The following NACA variants were observed in gnomAD, a reference collection of about 807,000 sequenced individuals.
NACA encodes nascent polypeptide-associated complex subunit alpha.
NACA carries 42 observed loss-of-function variants against 86.4 expected under a neutral mutation model. The ratio of observed to expected loss-of-function variants is 0.49; its 90% CI spans 0.38 to 0.63. NACA has a LOEUF of 0.63. Ranked by LOEUF, NACA falls within the 20% of genes least tolerant of loss-of-function variation. The pLI is 0.00. For synonymous variants in NACA, 898 were observed against 973.7 expected (o/e 0.92, Z 1.45); for missense variants, 2,157 against 2,483.6 (o/e 0.87, Z 2.80).
Position 56,717,297 on chromosome 12 carries a change from GGA to G in NACA, c.4231_4232del (p.Ser1411ProfsTer125), listed in dbSNP as rs1565894540. Reference sequence around the variant, plus strand: ...CTGGAGTTGCTGGAGCCTTTTTGGGGGAGAGAGGAATCACTGCTGGGGAAGTG... The same window carrying G: ...CTGGAGTTGCTGGAGCCTTTTTGGGGGAGAGGAATCACTGCTGGGGAAGTG... ...DPTSPAVIPL[S>X]PKKAPATPVT... is the part of the protein sequence containing the mutation. On this transcript the variant is annotated frameshift_variant, in exon 3 of 9. Transcript: ENST00000454682. LOFTEE classifies it high-confidence loss of function. 1 of 1,343,910 alleles carries G rather than the reference GGA, an allele frequency of 7.4e-7. No homozygotes were observed. Among genetic ancestry groups the G allele is most frequent in the Non-Finnish European group, 9.7e-7 (1 of 1,025,764 alleles). The allele number at this position is 1,343,910 out of a possible 1,614,324, so 83.2% of individuals were successfully genotyped here. A position where few individuals can be genotyped will look rare whatever the true frequency, so the allele number is the denominator to read the frequency against.
rs2926747 is a variant in NACA, at chr12:56,716,147, A to T, written c.5383T>A (p.Ser1795Thr). ...PESASVSAAP[S>T]PPVSLPLAPS... ...GCAAGAGGCAGAGAGACTGGTGGGG[A>T]GGGTGCTGCAGAGACAGATGCTGAT... Residue 1795 changes from serine to threonine, a missense_variant, in exon 3 of 9, where the codon TCC (serine) becomes ACC (threonine). Physicochemically the swap from Ser to Thr is moderately conservative, Grantham distance 58. Transcript: ENST00000454682. 0.64 allele frequency: 1,035,147 copies of T among 1,612,748 alleles called. 334,509 individuals are homozygous for T. The highest frequency in any genetic ancestry group is 0.74 in the South Asian group (67,212 of 91,058).
Position 56,715,881 on chromosome 12 carries a change from C to G in NACA, c.5649G>C (p.Lys1883Asn). 1 of 1,515,550 alleles carries G rather than the reference C, an allele frequency of 6.6e-7. No individual in the cohort carries two copies. Among genetic ancestry groups the G allele is most frequent in the Non-Finnish European group, 8.8e-7 (1 of 1,132,566 alleles). The allele number at this position is 1,515,550 out of a possible 1,614,324, so 93.9% of individuals were successfully genotyped here. Residue 1883 changes from lysine to asparagine, a missense_variant, in exon 3 of 9, where the codon AAG (lysine) becomes AAC (asparagine). Lys to Asn is a moderately conservative substitution (Grantham distance 94). This residue lies in a region of NACA where 797 missense variants were observed against 777.6 expected (regional missense o/e 1.02). Coordinates refer to ENST00000454682, the MANE Select transcript of NACA (RefSeq NM_001365896.1). ...PTPSAKQPVT[K>N]NNKGSGTESD... Reference sequence around the variant, plus strand: ...AACCAAGGCAAATACCCTTGTTGTTCTTCGTAACAGGTTGCTTGGCAGAGG... The same window carrying G: ...AACCAAGGCAAATACCCTTGTTGTTGTTCGTAACAGGTTGCTTGGCAGAGG...
In NACA at chr12:56,718,064, G is replaced by C. The variant is rs766558846; in HGVS notation, c.3466C>G (p.Pro1156Ala). Residue 1156 changes from proline to alanine, a missense_variant, in exon 3 of 9, where the codon CCT (proline) becomes GCT (alanine). Coordinates refer to ENST00000454682, the MANE Select transcript of NACA (RefSeq NM_001365896.1). The stretch of plus-strand genomic sequence containing the variant: ...GCTAGACCTCCTTTTGGGGAAGGAG[G>C]AGTTGCAGCTGGGGTTGTGGGGGCC... ...KGAPTTPAAT[P>A]PSPKGGLATP... 9.4e-7 allele frequency: 1 copy of C among 1,068,076 alleles called. No individual in the cohort carries two copies. The highest frequency in any genetic ancestry group is 1.1e-6 in the Non-Finnish European group (1 of 879,554). The allele number at this position is 1,068,076 out of a possible 1,614,324, so 66.2% of individuals were successfully genotyped here.
rs781172702 is a variant in NACA, at chr12:56,716,537, C to CA, written c.4992dup (p.Val1665CysfsTer6). On this transcript the variant is annotated frameshift_variant, in exon 3 of 9. Coordinates refer to ENST00000454682, the MANE Select transcript of NACA (RefSeq NM_001365896.1). LOFTEE classifies it high-confidence loss of function. ...GGAAGCCCTTTAGATGCTTGAGGAA[C>CA]AGTGGCCCCCATTTTACATGTGACA... 4 of 1,474,698 alleles carry CA rather than the reference C, an allele frequency of 2.7e-6. No homozygotes were observed. The South Asian group carries it at 4.5e-5, about 17-fold the overall frequency. The allele number at this position is 1,474,698 out of a possible 1,614,324, so 91.4% of individuals were successfully genotyped here.
chr12:56,720,754 T>C lies in NACA; in HGVS notation c.776A>G (p.Gln259Arg). The change falls in exon 3 of 9, where the codon CAA becomes CGA. Residue 259 changes from glutamine to arginine, a missense_variant. Physicochemically the swap from Gln to Arg is conservative, Grantham distance 43 (BLOSUM62 1). Coordinates refer to ENST00000454682, the MANE Select transcript of NACA (RefSeq NM_001365896.1). ...CTTCAGGCTGAGGCTTCCTGGGTTT[T>C]GTGGAGAAATCAGAACTGAGGAAAT... Reference protein sequence around the residue: ...TTISSVLISPQNPGSLSLKGP... With the variant: ...TTISSVLISPRNPGSLSLKGP... 5 of 1,613,940 alleles carry C rather than the reference T, an allele frequency of 3.1e-6. No individual in the cohort carries two copies. Among genetic ancestry groups the C allele is most frequent in the Non-Finnish European group, 4.2e-6 (5 of 1,179,884 alleles).
In NACA at chr12:56,719,812, A is replaced by C; in HGVS notation, c.1718T>G (p.Phe573Cys). The C allele has an allele frequency of 6.2e-7, 1 of 1,613,680 alleles. No homozygotes were observed. Among genetic ancestry groups the C allele is most frequent in the Non-Finnish European group, 8.5e-7 (1 of 1,179,850 alleles). The change falls in exon 3 of 9, where the codon TTC becomes TGC. Residue 573 changes from phenylalanine to cysteine, a missense_variant. Transcript: ENST00000454682. ...CTCTGGAGAAGAGGATGTACTTTGG[A>C]AAGAAGGGGAATTTTTAGGGGCTGC... ...VQAAPKNSPS[F>C]QSTSSSPEIP...
intron 5 of NACA, 198 bp from the exon 6 acceptor site, chr12:56,713,881 GC>G: frequency 1.8e-6 from 1 of 571,108 alleles, no homozygotes; most frequent in Non-Finnish European, 3.0e-6. Context: ...TTGCTCTGTC[GC>G]CCAGGCTGGA....
chr12:56,717,140 C>T lies in NACA; in HGVS notation c.4390G>A (p.Asp1464Asn), dbSNP rs375028867. The stretch of plus-strand genomic sequence containing the variant: ...GGAGTCACTGCTGGGAGGGTGGGAT[C>T]CCCTTTGGAGGATGGGGTAGCTGGG... ...GGPATPSSKGDPTLPAVTPPS... is the reference protein window; with the variant it reads ...GGPATPSSKGNPTLPAVTPPS... Residue 1464 changes from aspartate to asparagine, a missense_variant, in exon 3 of 9, where the codon GAT (aspartate) becomes AAT (asparagine). Asp to Asn is a conservative substitution (Grantham distance 23). Transcript: ENST00000454682. The T allele has an allele frequency of 1.6e-6, 2 of 1,273,786 alleles. No homozygotes were observed. Among genetic ancestry groups the T allele is most frequent in the Admixed American group, 3.1e-5 (1 of 31,776 alleles). The allele number at this position is 1,273,786 out of a possible 1,614,324, so 78.9% of individuals were successfully genotyped here.
At position 56,716,784 on chromosome 12, in the gene NACA, G is replaced by A. The variant is rs779609773; in HGVS notation, c.4746C>T (p.Pro1582=). The change falls in exon 3 of 9, where the codon CCC becomes CCT. Residue 1582 remains proline, a synonymous_variant. Coordinates refer to ENST00000454682, the MANE Select transcript of NACA (RefSeq NM_001365896.1). ...ATPSSKEASS[P]PAVTPSTYKG... is the part of the protein sequence containing the mutation. Reference sequence around the variant, plus strand: ...TGTAAGTGGAAGGAGTCACTGCTGGGGGACTGGAGGCCTCTTTGGAGGATG... The same window carrying A: ...TGTAAGTGGAAGGAGTCACTGCTGGAGGACTGGAGGCCTCTTTGGAGGATG... 3.7e-6 allele frequency: 5 copies of A among 1,363,240 alleles called. No individual in the cohort carries two copies. Among genetic ancestry groups the A allele is most frequent in the East Asian group, 6.1e-5 (2 of 32,834 alleles). 84.4% of individuals were successfully genotyped at this position (1,363,240 alleles called of 1,614,324 possible).
chr12:56,712,482 T>C lies in NACA; in HGVS notation c.*56A>G, dbSNP rs892257043. 56 of 1,563,452 alleles carry C rather than the reference T, an allele frequency of 3.6e-5. No individual in the cohort carries two copies. Among genetic ancestry groups the C allele is most frequent in the Non-Finnish European group, 4.6e-5 (52 of 1,139,130 alleles). On this transcript the variant is annotated 3_prime_UTR_variant, in exon 9 of 9. Transcript: ENST00000454682. ...ATTTATGATAGAAACAGTACAAATT[T>C]CAAACCAAGCTGCAGTTACTCCTTT...
At position 56,716,168 on chromosome 12, in the gene NACA, C is replaced by A; in HGVS notation, c.5362G>T (p.Ala1788Ser). ...FEKVLPKPES[A>S]SVSAAPSPPV... ...GGGGAGGGTGCTGCAGAGACAGATG[C>A]TGATTCAGGTTTAGGAAGGACCTTC... Residue 1788 changes from alanine to serine, a missense_variant, in exon 3 of 9, where the codon GCA (alanine) becomes TCA (serine). Ala to Ser is a moderately conservative substitution (Grantham distance 99, BLOSUM62 1). Around this residue, in one of 8 missense-constraint regions of NACA, gnomAD observed 797 missense variants for 777.6 expected, o/e 1.02. Transcript: ENST00000454682. 6.2e-7 allele frequency: 1 copy of A among 1,613,570 alleles called. No individual in the cohort carries two copies. Among genetic ancestry groups the A allele is most frequent in the South Asian group, 1.1e-5 (1 of 91,082 alleles).
At chr12:56,713,806 T>C (rs890509462) in intron 5 of NACA, 123 bp from the exon 6 acceptor site, 3 of 984,376 alleles carry the variant, frequency 3.0e-6, no homozygotes, top group African/African-American at 1.6e-5. Context: ...CATACAAGAA[T>C]AGAGAATGGG....
In NACA at chr12:56,715,875, G is replaced by T; in HGVS notation, c.5655C>A (p.Asn1885Lys). The change falls in exon 3 of 9, where the codon AAC becomes AAA. Residue 1885 changes from asparagine (N) to lysine (K), a missense_variant. Physicochemically the swap from Asn to Lys is moderately conservative, Grantham distance 94. Coordinates refer to ENST00000454682, the MANE Select transcript of NACA (RefSeq NM_001365896.1). ...ACGGCAAACCAAGGCAAATACCCTT[G>T]TTGTTCTTCGTAACAGGTTGCTTGG... Reference protein sequence around the residue: ...PSAKQPVTKNNKGSGTESDSD... With the variant: ...PSAKQPVTKNKKGSGTESDSD... 7.3e-6 allele frequency: 11 copies of T among 1,515,070 alleles called. No homozygotes were observed. Among genetic ancestry groups the T allele is most frequent in the African/African-American group, 1.4e-5 (1 of 71,680 alleles). 93.9% of individuals were successfully genotyped at this position (1,515,070 alleles called of 1,614,324 possible).
Position 56,712,837 on chromosome 12 carries a change from C to A in NACA, c.6171G>T (p.Lys2057Asn), listed in dbSNP as rs1953254440. Reference protein sequence around the residue: ...VMSQANVSRAKAVRALKNNSN... With the variant: ...VMSQANVSRANAVRALKNNSN... ...TGTTGTTCTTCAGGGCTCGGACTGC[C>A]TTTGCTCTCGACACATTTGCTTGTG... is the stretch of plus-strand genomic sequence containing the variant. The change falls in exon 8 of 9, where the codon AAG becomes AAT. Residue 2057 changes from lysine (K) to asparagine (N), a missense_variant. Coordinates refer to ENST00000454682, the MANE Select transcript of NACA (RefSeq NM_001365896.1). 1.3e-5 allele frequency: 21 copies of A among 1,614,214 alleles called. No individual in the cohort carries two copies. The highest frequency in any genetic ancestry group is 1.8e-5 in the Non-Finnish European group (21 of 1,180,040).
chr12:56,719,228 TG>T lies in NACA; in HGVS notation c.2301del (p.Glu769SerfsTer19), dbSNP rs1953498739. 6.6e-7 allele frequency: 1 copy of T among 1,508,292 alleles called. No homozygotes were observed. Among genetic ancestry groups the T allele is most frequent in the Non-Finnish European group, 9.0e-7 (1 of 1,112,252 alleles). The allele number at this position is 1,508,292 out of a possible 1,614,324, so 93.4% of individuals were successfully genotyped here. A position where few individuals can be genotyped will look rare whatever the true frequency, so the allele number is the denominator to read the frequency against. ...CCAGAGTCCTCAGTTGGGCACTCTT[TG>T]GGAGAGGAAGCAACAGGTGCCAATG... is the stretch of plus-strand genomic sequence containing the variant. Reference protein sequence around the residue: ...TSALAPVASSPKECPTEDSGA... With the variant: ...TSALAPVASSXKECPTEDSGA... On this transcript the variant is annotated frameshift_variant, in exon 3 of 9. Coordinates refer to ENST00000454682, the MANE Select transcript of NACA (RefSeq NM_001365896.1). LOFTEE classifies it high-confidence loss of function.
At position 56,715,959 on chromosome 12, in the gene NACA, C is replaced by G; in HGVS notation, c.5571G>C (p.Ser1857=). ...TAGGGGTGGGCATGTTGACGAGGAC[C>G]GACTGGAAAGGCACTCCCCCAGAGA... is the stretch of plus-strand genomic sequence containing the variant. ...EPISGGVPFQ[S]VLVNMPTPKS... Residue 1857 remains serine (S), a synonymous_variant, in exon 3 of 9, where the codon TCG becomes TCC. Coordinates refer to ENST00000454682, the MANE Select transcript of NACA (RefSeq NM_001365896.1). 6.5e-7 allele frequency: 1 copy of G among 1,547,830 alleles called. No individual in the cohort carries two copies.
rs1219919997 is a variant in NACA at position 56,713,694 on chromosome 12, G to A, written c.5824-11C>T. 3.1e-6 allele frequency: 5 copies of A among 1,612,976 alleles called. No homozygotes were observed. Among genetic ancestry groups the A allele is most frequent in the East Asian group, 4.5e-5 (2 of 44,880 alleles). On this transcript the variant is annotated splice_polypyrimidine_tract_variant and intron_variant, in intron 5 of 8. Transcript: ENST00000454682. The stretch of plus-strand genomic sequence containing the variant: ...CAGTTTGGACATAGCCTAAAGAAGA[G>A]AAAATAGTATCAGGTTTTCAACCTC...
chr12:56,725,181 A>G (rs1592326253), intron 1 of NACA, 82 bp downstream of exon 1: 1 of 152,552 alleles, frequency 6.6e-6, no homozygotes, highest in African/African-American at 2.4e-5. Context: ...AACTCTCCTT[A>G]ACTCTCAGTC....
chr12:56,719,836 G>A lies in NACA; in HGVS notation c.1694C>T (p.Ala565Val), dbSNP rs76163127. The A allele has an allele frequency of 6.0e-4, 967 of 1,613,868 alleles. 6 individuals are homozygous for A. In the African/African-American group the frequency reaches 0.012, roughly 20 times the overall value. Reference sequence around the variant, plus strand: ...GAAAGAAGGGGAATTTTTAGGGGCTGCCTGGACTAACGGTAATACAGTAGG... The same window carrying A: ...GAAAGAAGGGGAATTTTTAGGGGCTACCTGGACTAACGGTAATACAGTAGG... Reference protein sequence around the residue: ...KDPTVLPLVQAAPKNSPSFQS... With the variant: ...KDPTVLPLVQVAPKNSPSFQS... Residue 565 changes from alanine to valine, a missense_variant, in exon 3 of 9, where the codon GCA becomes GTA. Coordinates refer to ENST00000454682, the MANE Select transcript of NACA (RefSeq NM_001365896.1).
Sources: allele counts gnomAD v4.1 joint callset, GRCh38; gene constraint gnomAD v4.1.1; regional missense constraint gnomAD v4.1.1; transcripts MANE v1.5; gene names NCBI Gene and HGNC (gene_info 2026-07-23, HGNC 2026-07-21).